The following HS6ST3 variants were observed in gnomAD, a reference collection of about 807,000 sequenced individuals.
HS6ST3 encodes the protein heparan sulfate 6-O-sulfotransferase 3, also known as heparan-sulfate 6-O-sulfotransferase 3.
A neutral mutation model predicts 36.7 loss-of-function variants in HS6ST3; 12 were observed. The observed-to-expected ratio is 0.33, with a 90% CI of 0.21 to 0.53. The LOEUF is 0.53. Ranked by LOEUF, HS6ST3 falls within the 20% of genes least tolerant of loss-of-function variation. The pLI, the probability that HS6ST3 is intolerant of heterozygous loss-of-function variation, is 0.95. For missense variants in HS6ST3, 584 were observed against 640.9 expected (o/e 0.91, Z 0.96); for synonymous variants, 240 against 257.5 (o/e 0.93, Z 0.65).
intron 1 of HS6ST3, among the ~76,000 whole-genome samples, chr13:96,138,786 AC>A (rs1475683492): frequency 6.6e-6 from 1 of 152,126 alleles, no homozygotes; most frequent in African/African-American, 2.4e-5. Flanking sequence ...GGAAGTACTT[AC>A]GTGAGATACA....
chr13:96,498,587 A>G (rs981264406), intron 1 of HS6ST3, among the ~76,000 whole-genome samples: 2 of 152,132 alleles, frequency 1.3e-5, no homozygotes, highest in Non-Finnish European at 2.9e-5. Context: ...TTTCTCACTA[A>G]TGATATTTTT....
intron 1 of HS6ST3, among the ~76,000 whole-genome samples, chr13:96,239,015 G>A (rs1017457849): frequency 6.6e-6 from 1 of 152,156 alleles, no homozygotes; most frequent in Non-Finnish European, 1.5e-5. Flanking sequence ...ATCTTCTCAC[G>A]GATGGGGAAG....
chr13:96,576,943 CAAAAAAAAAAAA>C lies in HS6ST3; in HGVS notation c.708-255528_708-255517del, dbSNP rs1157924077. Among the ~76,000 whole-genome samples, 45 of 26,852 alleles carry C rather than the reference CAAAAAAAAAAAA, an allele frequency of 1.7e-3. No homozygotes were observed. The East Asian group carries it at 0.044, about 26-fold the overall frequency. 17.6% of individuals were successfully genotyped at this position (26,852 alleles called of 152,430 possible). On this transcript the variant is annotated intron_variant, in intron 1 of 1. Coordinates refer to ENST00000376705, the MANE Select transcript of HS6ST3 (RefSeq NM_153456.4). Reference sequence around the variant, plus strand: ...TGGGAAACAGAGTGAGACTCTGTCTCAAAAAAAAAAAAAAAAAAAAAAAAAAAAAAGTTGCTC... The same window carrying C: ...TGGGAAACAGAGTGAGACTCTGTCTCAAAAAAAAAAAAAAAAAAGTTGCTC...
At chr13:96,749,155 G>C (rs1198519630) in intron 1 of HS6ST3, among the ~76,000 whole-genome samples, 4 of 152,004 alleles carry the variant, frequency 2.6e-5, no homozygotes, top group African/African-American at 9.7e-5. Context: ...ATTTCCCCCA[G>C]TATCACTGCA....
chr13:96,665,373 A>C (rs1034723038), intron 1 of HS6ST3, among the ~76,000 whole-genome samples: 1 of 152,138 alleles, frequency 6.6e-6, no homozygotes, highest in Admixed American at 6.5e-5. Flanking sequence ...TTCTCATGGT[A>C]CTTACAGTCT....
At chr13:96,769,864 A>G (rs1877219662) in intron 1 of HS6ST3, among the ~76,000 whole-genome samples, 2 of 152,182 alleles carry the variant, frequency 1.3e-5, no homozygotes, top group South Asian at 4.1e-4. Context: ...ATACAATTAC[A>G]TCATTAAGTT....
chr13:96,291,256 A>T (rs1468888730), intron 1 of HS6ST3, among the ~76,000 whole-genome samples: 1 of 152,200 alleles, frequency 6.6e-6, no homozygotes, highest in Non-Finnish European at 1.5e-5. Flanking sequence ...CATATAGTAG[A>T]TGCTCAATAA....
At chr13:96,459,694 C>T (rs756694046) in intron 1 of HS6ST3, among the ~76,000 whole-genome samples, 8 of 152,142 alleles carry the variant, frequency 5.3e-5, no homozygotes, top group South Asian at 2.1e-4. Flanking sequence ...CATACATGTT[C>T]CTTTCTCAGC....
chr13:96,090,717 G>GA lies in HS6ST3; in HGVS notation c.-146_-145insA. ...AGCCCCGAGGGCCGCGGGGCCGCCA[G>GA]CCAGCCACACGCCTCGGCGTCAGGG... is the stretch of plus-strand genomic sequence containing the variant. On this transcript the variant is annotated 5_prime_UTR_variant, in exon 1 of 2. Coordinates refer to ENST00000376705, the MANE Select transcript of HS6ST3 (RefSeq NM_153456.4). 2.2e-6 allele frequency: 1 copy of GA among 454,168 alleles called. No homozygotes were observed. Among genetic ancestry groups the GA allele is most frequent in the Non-Finnish European group, 3.2e-6 (1 of 309,196 alleles). The allele number at this position is 454,168 out of a possible 1,614,324, so 28.1% of individuals were successfully genotyped here.
rs374305172 is a variant in HS6ST3 at position 96,518,247 on chromosome 13, C to T, written c.708-314243C>T. On this transcript the variant is annotated intron_variant, in intron 1 of 1. Coordinates refer to ENST00000376705, the MANE Select transcript of HS6ST3 (RefSeq NM_153456.4). ...TAAAAGCAATGAGATCCAGAACATT[C>T]TGAATTTCTTTCTGATTAATACAAA... is the stretch of plus-strand genomic sequence containing the variant. Among the ~76,000 whole-genome samples the T allele has an allele frequency of 4.9e-4, 74 of 152,228 alleles. 2 individuals carry two copies. The South Asian group carries it at 0.015, about 30-fold the overall frequency.
At chr13:96,764,107 G>C (rs903865425) in intron 1 of HS6ST3, among the ~76,000 whole-genome samples, 4 of 152,146 alleles carry the variant, frequency 2.6e-5, no homozygotes, top group African/African-American at 9.7e-5. Flanking sequence ...AGATTCTAAG[G>C]ATTTCTTTAC....
intron 1 of HS6ST3, among the ~76,000 whole-genome samples, chr13:96,219,538 T>C (rs1399708733): frequency 6.6e-6 from 1 of 152,212 alleles, no homozygotes; most frequent in African/African-American, 2.4e-5. Context: ...GTGGTAGAGC[T>C]TGCATTTCTT....
chr13:96,556,158 C>T (rs1459588039), intron 1 of HS6ST3, among the ~76,000 whole-genome samples: 1 of 152,104 alleles, frequency 6.6e-6, no homozygotes, highest in Non-Finnish European at 1.5e-5. Context: ...TTTGATCAAC[C>T]CACTATTGAC....
intron 1 of HS6ST3, among the ~76,000 whole-genome samples, chr13:96,495,491 A>C (rs950162102): frequency 6.6e-6 from 1 of 152,322 alleles, no homozygotes; most frequent in East Asian, 1.9e-4. Flanking sequence ...AAGTGGAAAG[A>C]GTTGATGAGG....
At chr13:96,111,989 TA>T (rs2053870488) in intron 1 of HS6ST3, among the ~76,000 whole-genome samples, 1 of 152,196 alleles carries the variant, frequency 6.6e-6, no homozygotes, top group Non-Finnish European at 1.5e-5. Context: ...AAAGTTAGGA[TA>T]CCCTAAGTAT....
chr13:96,790,548 C>G (rs1425903913), intron 1 of HS6ST3, among the ~76,000 whole-genome samples: 1 of 152,002 alleles, frequency 6.6e-6, no homozygotes, highest in Non-Finnish European at 1.5e-5. Flanking sequence ...AATATTCTAA[C>G]TTAAGATTCA....
intron 1 of HS6ST3, among the ~76,000 whole-genome samples, chr13:96,171,251 T>G (rs560803872): frequency 9.8e-5 from 15 of 152,320 alleles, no homozygotes; most frequent in Middle Eastern, 3.4e-3. Flanking sequence ...TTTCCATGCA[T>G]TTATCTTTAA....
rs571660689 is a variant in HS6ST3 at position 96,576,885 on chromosome 13, A to G, written c.708-255605A>G. ...CTTGAACCCAGGAGGCAAAGGTTGCAGTGAGCTGAGATCGCGCCACTGCAC... is the reference window on the plus strand; with the variant it reads ...CTTGAACCCAGGAGGCAAAGGTTGCGGTGAGCTGAGATCGCGCCACTGCAC... On this transcript the variant is annotated intron_variant, in intron 1 of 1. Coordinates refer to ENST00000376705, the MANE Select transcript of HS6ST3 (RefSeq NM_153456.4). Among the ~76,000 whole-genome samples, 3 of 134,678 alleles carry G rather than the reference A, an allele frequency of 2.2e-5. No homozygotes were observed. The South Asian group carries it at 7.6e-4, about 34-fold the overall frequency. The allele number at this position is 134,678 out of a possible 152,430, so 88.4% of individuals were successfully genotyped here. A position where few individuals can be genotyped will look rare whatever the true frequency, so the allele number is the denominator to read the frequency against.
At chr13:96,736,474 A>T (rs1054308873) in intron 1 of HS6ST3, among the ~76,000 whole-genome samples, 1 of 152,220 alleles carries the variant, frequency 6.6e-6, no homozygotes, top group Non-Finnish European at 1.5e-5. Flanking sequence ...CATTATAAAC[A>T]TCATCATAAA....
Sources: allele counts gnomAD v4.1 joint callset (sites outside exome capture counted in the v4.1 genomes callset), GRCh38; gene constraint gnomAD v4.1.1; transcripts MANE v1.5; gene names NCBI Gene and HGNC (gene_info 2026-07-23, HGNC 2026-07-21).